Variants in RNF2 observed in about 807,000 individuals in gnomAD.
RNF2 encodes the protein ring finger protein 2.
Under a neutral mutation model 37.2 loss-of-function variants are expected in RNF2, and 6 were observed. That is an observed-to-expected ratio of 0.16 (90% CI 0.09 to 0.32). RNF2 has a LOEUF of 0.32. Among genes scored for constraint, RNF2 ranks in the 10% least tolerant of loss-of-function variants. The probability of loss-of-function intolerance (pLI) is 1.00; values close to 1 mark genes in which losing one functional copy is unlikely to be tolerated. For missense variants in RNF2, 251 were observed against 404.0 expected, an observed-to-expected ratio of 0.62 and a Z score of 3.25; for synonymous variants, 133 against 132.7, an observed-to-expected ratio of 1.00 and a Z score of -0.02.
At chr1:185,047,900 C>T (rs935755032) in intron 1 of RNF2, among the ~76,000 whole-genome samples, 1 of 152,164 alleles carries the variant, frequency 6.6e-6, no homozygotes, top group Admixed American at 6.5e-5. Context: ...TCGATTGATT[C>T]ATTTATTTGA....
intron 1 of RNF2, among the ~76,000 whole-genome samples, chr1:185,085,227 C>A (rs1157386205): frequency 7.1e-6 from 1 of 141,358 alleles, no homozygotes; most frequent in Non-Finnish European, 1.5e-5. Flanking sequence ...TAGCTCACTG[C>A]AAGCTCCGCC....
chr1:185,057,476 A>T (rs979525428), intron 1 of RNF2, among the ~76,000 whole-genome samples: 5 of 152,088 alleles, frequency 3.3e-5, no homozygotes, highest in African/African-American at 4.8e-5. Flanking sequence ...TATGTTCATG[A>T]TAAGCACGTC....
chr1:185,078,765 C>G (rs1651251702), intron 1 of RNF2, among the ~76,000 whole-genome samples: 1 of 151,864 alleles, frequency 6.6e-6, no homozygotes, highest in South Asian at 2.1e-4. Flanking sequence ...GAAAAATTCG[C>G]CAGGCGTAGT....
chr1:185,073,550 C>T (rs1651050287), intron 1 of RNF2, among the ~76,000 whole-genome samples: 1 of 152,116 alleles, frequency 6.6e-6, no homozygotes, highest in Non-Finnish European at 1.5e-5. Context: ...TGATCTACAG[C>T]AGTTAATTTT....
At position 185,101,898 on chromosome 1, in the gene RNF2, A is replaced by T. The variant is rs1224326646; in HGVS notation, c.*1597A>T. 3.6e-5 allele frequency: 5 copies of T among 138,112 alleles called. No individual in the cohort carries two copies. The highest frequency in any genetic ancestry group is 7.6e-5 in the Non-Finnish European group (5 of 65,578). 8.6% of individuals were successfully genotyped at this position (138,112 alleles called of 1,614,324 possible). The stretch of plus-strand genomic sequence containing the variant: ...TTTGAAAACCACCAAAAATCAAGGG[A>T]ACTTTTATATATTCAATTCCTTTTC... On this transcript the variant is annotated 3_prime_UTR_variant, in exon 7 of 7. Coordinates refer to ENST00000367510, the MANE Select transcript of RNF2 (RefSeq NM_007212.4).
chr1:185,082,808 A>C (rs2102188496), intron 1 of RNF2, among the ~76,000 whole-genome samples: 1 of 152,340 alleles, frequency 6.6e-6, no homozygotes, highest in Admixed American at 6.5e-5. Context: ...TTTGTCTAAT[A>C]ACATTTCCAT....
chr1:185,055,542 G>C (rs1650408207), intron 1 of RNF2, among the ~76,000 whole-genome samples: 1 of 152,114 alleles, frequency 6.6e-6, no homozygotes, highest in South Asian at 2.1e-4. Context: ...TGCCTCCTGA[G>C]TAGCTGGGAT....
chr1:185,080,077 A>T (rs1557969040), intron 1 of RNF2, among the ~76,000 whole-genome samples: 5 of 152,106 alleles, frequency 3.3e-5, no homozygotes, highest in Admixed American at 6.5e-5. Context: ...CACTGGAAAA[A>T]ATCCTTAAGA....
intron 1 of RNF2, among the ~76,000 whole-genome samples, chr1:185,051,706 G>A (rs1276779027): frequency 6.7e-6 from 1 of 149,552 alleles, no homozygotes; most frequent in Non-Finnish European, 1.5e-5. Context: ...CTGGTTGGTA[G>A]TGCAGCATTC....
chr1:185,055,606 G>C (rs1277468951), intron 1 of RNF2, among the ~76,000 whole-genome samples: 1 of 152,096 alleles, frequency 6.6e-6, no homozygotes, highest in African/African-American at 2.4e-5. Flanking sequence ...GTAGAGTTGA[G>C]GTTTCACCAT....
At chr1:185,051,982 G>A (rs1318690230) in intron 1 of RNF2, among the ~76,000 whole-genome samples, 1 of 150,394 alleles carries the variant, frequency 6.6e-6, no homozygotes, top group Non-Finnish European at 1.5e-5. Flanking sequence ...ATGCACCCAT[G>A]TAACACTTCT....
chr1:185,079,982 G>A (rs1651297670), intron 1 of RNF2, among the ~76,000 whole-genome samples: 1 of 151,672 alleles, frequency 6.6e-6, no homozygotes, highest in South Asian at 2.1e-4. Flanking sequence ...TTTGTCTTTT[G>A]ATAGGCCCCC....
intron 4 of RNF2, 123 bp downstream of exon 4, chr1:185,093,399 G>A (rs998881138): frequency 3.2e-5 from 26 of 815,048 alleles, no homozygotes; most frequent in South Asian, 2.4e-4. Context: ...ATTACCTTTC[G>A]TGCAGGTATA....
chr1:185,088,817 T>G (rs1228851765), intron 2 of RNF2, among the ~76,000 whole-genome samples: 1 of 152,220 alleles, frequency 6.6e-6, no homozygotes, highest in Non-Finnish European at 1.5e-5. Context: ...GTTGAATCCA[T>G]GCAAGTGAGG....
chr1:185,045,831 G>A (rs1234342794), intron 1 of RNF2, among the ~76,000 whole-genome samples, 182 bp downstream of exon 1: 1 of 152,190 alleles, frequency 6.6e-6, no homozygotes, highest in African/African-American at 2.4e-5. Flanking sequence ...GGAGACGGCG[G>A]GTGAAGCGGG....
rs768356678 is a variant in RNF2 at position 185,101,832 on chromosome 1, G to GTTTTTTTTTTTTTTTTTTTTT, written c.*1533_*1553dup. On this transcript the variant is annotated 3_prime_UTR_variant, in exon 7 of 7. Transcript: ENST00000367510. ...AATATTTAAAATCTGTTTTTACAGG[G>GTTTTTTTTTTTTTTTTTTTTT]TTTTTTTTTTTTTTTTTTTTTTGTA... 1 of 97,878 alleles carries GTTTTTTTTTTTTTTTTTTTTT rather than the reference G, an allele frequency of 1.0e-5. No individual in the cohort carries two copies. Among genetic ancestry groups the GTTTTTTTTTTTTTTTTTTTTT allele is most frequent in the African/African-American group, 4.1e-5 (1 of 24,638 alleles). The allele number at this position is 97,878 out of a possible 1,614,324, so 6.1% of individuals were successfully genotyped here.
intron 1 of RNF2, among the ~76,000 whole-genome samples, chr1:185,051,016 C>T (rs1650254525): frequency 6.6e-6 from 1 of 152,196 alleles, no homozygotes; most frequent in African/African-American, 2.4e-5. Flanking sequence ...ATGACCACTA[C>T]CTCTATTCGC....
At chr1:185,079,908 C>T (rs899294260) in intron 1 of RNF2, among the ~76,000 whole-genome samples, 3 of 150,858 alleles carry the variant, frequency 2.0e-5, no homozygotes, top group African/African-American at 7.3e-5. Flanking sequence ...CTAGCCTGGG[C>T]AACAAGAGCG....
intron 1 of RNF2, among the ~76,000 whole-genome samples, chr1:185,063,231 A>AT (rs1217554796): frequency 6.6e-6 from 1 of 152,206 alleles, no homozygotes. Context: ...TTTTACACAG[A>AT]ATACGTAGAA....
Sources: allele counts gnomAD v4.1 joint callset (sites outside exome capture counted in the v4.1 genomes callset), GRCh38; gene constraint gnomAD v4.1.1; transcripts MANE v1.5; gene names NCBI Gene and HGNC (gene_info 2026-07-23, HGNC 2026-07-21).